Variants in FTCDNL1 observed in about 807,000 individuals in gnomAD.
The protein encoded by FTCDNL1 is formiminotransferase cyclodeaminase N-terminal like.
A neutral mutation model predicts 5.9 loss-of-function variants in FTCDNL1; 11 were observed. That is an observed-to-expected ratio of 1.87 (90% CI 1.18 to 3.10). The LOEUF (loss-of-function observed/expected upper bound fraction) is 3.10. FTCDNL1 is among the 30% of genes most tolerant of loss of function. The pLI, the probability that FTCDNL1 is intolerant of heterozygous loss-of-function variation, is 0.00. For missense variants in FTCDNL1, 115 were observed against 65.5 expected, an observed-to-expected ratio of 1.76 and a Z score of -2.61; for synonymous variants, 58 against 24.8, an observed-to-expected ratio of 2.34 and a Z score of -3.99.
chr2:199,729,126 T>A, the FTCDNL1 span, among the ~76,000 whole-genome samples: 1 of 152,192 alleles, frequency 6.6e-6, no homozygotes, highest in Non-Finnish European at 1.5e-5. Flanking sequence ...TACATGACAT[T>A]TGGAAAATAA....
chr2:199,779,247 A>T (rs1699239643), intron 3 of FTCDNL1, among the ~76,000 whole-genome samples: 1 of 152,238 alleles, frequency 6.6e-6, no homozygotes, highest in Admixed American at 6.5e-5. Flanking sequence ...TTTAACTAGA[A>T]CTATAAAGTT....
At chr2:199,733,741 A>C in the FTCDNL1 span, among the ~76,000 whole-genome samples, 1 of 152,270 alleles carries the variant, frequency 6.6e-6, no homozygotes. Flanking sequence ...GTGCCAGTCC[A>C]CAAGCTTTAT....
At chr2:199,806,745 AC>A, downstream of FTCDNL1, among the ~76,000 whole-genome samples, 1 of 152,236 alleles carries the variant, frequency 6.6e-6, no homozygotes, top group African/African-American at 2.4e-5. Context: ...GAAACCAATG[AC>A]AACTCCCCCT....
Position 199,811,044 on chromosome 2 carries a change from A to G in FTCDNL1, c.*1661T>C, listed in dbSNP as rs1037631911. Among the ~76,000 whole-genome samples, 3 of 152,206 alleles carry G rather than the reference A, an allele frequency of 2.0e-5. No individual in the cohort carries two copies. Among genetic ancestry groups the G allele is most frequent in the East Asian group, 1.9e-4 (1 of 5,204 alleles). On this transcript the variant is annotated 3_prime_UTR_variant, in exon 5 of 5. Coordinates refer to ENST00000420128, the MANE Select transcript of FTCDNL1 (RefSeq NM_001363886.2). ...TTTCATCTTTTTCCCACACATGTACATAATGAAACATTTCAACTCCCGAGG... is the reference window on the plus strand; with the variant it reads ...TTTCATCTTTTTCCCACACATGTACGTAATGAAACATTTCAACTCCCGAGG...
rs553337408 is a variant in FTCDNL1, at chr2:199,828,187, G to A, written c.212-8430C>T. On this transcript the variant is annotated intron_variant, in intron 3 of 4. Coordinates refer to ENST00000420128, the MANE Select transcript of FTCDNL1 (RefSeq NM_001363886.2). ...AAAAAAAATCTCATATTTAGTCAGA[G>A]AATTACTTACTACCAAGCTATTTTA... Among the ~76,000 whole-genome samples, 24 of 152,214 alleles carry A rather than the reference G, an allele frequency of 1.6e-4. No individual in the cohort carries two copies. The East Asian group carries it at 4.4e-3, about 28-fold the overall frequency.
chr2:199,773,345 A>C (rs1014881339), intron 3 of FTCDNL1, among the ~76,000 whole-genome samples: 1 of 151,302 alleles, frequency 6.6e-6, no homozygotes, highest in Non-Finnish European at 1.5e-5. Flanking sequence ...ATCTACCCCC[A>C]TTCTTAGGAG....
intron 2 of FTCDNL1, among the ~76,000 whole-genome samples, chr2:199,848,029 AT>A (rs1311321807): frequency 6.6e-6 from 1 of 152,182 alleles, no homozygotes; most frequent in Non-Finnish European, 1.5e-5. Context: ...GGAAATTAAA[AT>A]TTACTGTCTG....
the FTCDNL1 span, among the ~76,000 whole-genome samples, chr2:199,681,517 T>G: frequency 0.73 from 110,873 of 152,004 alleles, 41,313 homozygotes; most frequent in South Asian, 0.9. Flanking sequence ...GGGTTGGGAG[T>G]CTCTGAAGCC....
the FTCDNL1 span, among the ~76,000 whole-genome samples, chr2:199,686,754 A>G: frequency 6.6e-6 from 1 of 152,220 alleles, no homozygotes; most frequent in African/African-American, 2.4e-5. Flanking sequence ...TAATTAAATA[A>G]GCGATAGATG....
At chr2:199,693,468 T>C in the FTCDNL1 span, among the ~76,000 whole-genome samples, 1 of 152,220 alleles carries the variant, frequency 6.6e-6, no homozygotes, top group Admixed American at 6.5e-5. Flanking sequence ...TATCCTGTGA[T>C]AAGTGCATTG....
At chr2:199,839,595 G>C (rs926642054) in intron 3 of FTCDNL1, among the ~76,000 whole-genome samples, 1 of 152,146 alleles carries the variant, frequency 6.6e-6, no homozygotes, top group African/African-American at 2.4e-5. Context: ...GACTCACCAA[G>C]TATCCAGCAT....
intron 3 of FTCDNL1, among the ~76,000 whole-genome samples, chr2:199,780,467 G>T (rs532988727): frequency 1.3e-5 from 2 of 152,268 alleles, no homozygotes; most frequent in African/African-American, 4.8e-5. Flanking sequence ...TCTGGGATCA[G>T]TTTCTTCAGG....
At chr2:199,781,751 G>T (rs1699371976) in intron 3 of FTCDNL1, among the ~76,000 whole-genome samples, 1 of 148,092 alleles carries the variant, frequency 6.8e-6, no homozygotes, top group Non-Finnish European at 1.5e-5. Flanking sequence ...ATGTTTGTGA[G>T]GTATTGTTTT....
the FTCDNL1 span, among the ~76,000 whole-genome samples, chr2:199,701,299 T>TAAA: frequency 2.2e-4 from 16 of 72,384 alleles, 1 homozygote; most frequent in African/African-American, 6.7e-4. Context: ...CTTGAAAGTT[T>TAAA]AAAAAAAAAA....
the FTCDNL1 span, among the ~76,000 whole-genome samples, chr2:199,753,097 G>A: frequency 0.016 from 2,404 of 152,202 alleles, 57 homozygotes; most frequent in African/African-American, 0.054. Flanking sequence ...TGAAGCTTAC[G>A]CTCTAGTGAC....
chr2:199,730,977 A>G, the FTCDNL1 span, among the ~76,000 whole-genome samples: 3 of 152,240 alleles, frequency 2.0e-5, no homozygotes, highest in Admixed American at 2.0e-4. Flanking sequence ...GATAAAGAAA[A>G]TGTGGCACAT....
chr2:199,677,462 C>T, the FTCDNL1 span, among the ~76,000 whole-genome samples: 1 of 152,114 alleles, frequency 6.6e-6, no homozygotes, highest in Non-Finnish European at 1.5e-5. Context: ...GAGTTTTGGT[C>T]AGAGTCCAGC....
chr2:199,782,520 C>T (rs1225325597), intron 3 of FTCDNL1, among the ~76,000 whole-genome samples: 1 of 152,182 alleles, frequency 6.6e-6, no homozygotes, highest in Non-Finnish European at 1.5e-5. Context: ...TGGGAAGGTT[C>T]TTAACCTACA....
chr2:199,759,154 T>TATATAC (rs1553535121), downstream of FTCDNL1, among the ~76,000 whole-genome samples: 2 of 151,902 alleles, frequency 1.3e-5, no homozygotes, highest in Non-Finnish European at 2.9e-5. Flanking sequence ...TATATATATA[T>TATATAC]ACACATATGT....
Sources: allele counts gnomAD v4.1 joint callset (sites outside exome capture counted in the v4.1 genomes callset), GRCh38; gene constraint gnomAD v4.1.1; transcripts MANE v1.5; gene names NCBI Gene and HGNC (gene_info 2026-07-23, HGNC 2026-07-21).